Variants in OPRM1 observed in about 807,000 individuals in gnomAD.
OPRM1 encodes the protein opioid receptor mu 1.
In OPRM1, 27 loss-of-function variants were observed where a neutral mutation model predicts 31.8. The ratio of observed to expected loss-of-function variants is 0.85; its 90% CI spans 0.63 to 1.17. The LOEUF (loss-of-function observed/expected upper bound fraction) is 1.17. Ranked by LOEUF, OPRM1 falls within the 50% of genes most tolerant of loss-of-function variation. The pLI, the probability that OPRM1 is intolerant of heterozygous loss-of-function variation, is 0.00. For synonymous variants in OPRM1, 196 were observed against 189.9 expected, an observed-to-expected ratio of 1.03 and a Z score of -0.26; for missense variants, 536 against 511.1, an observed-to-expected ratio of 1.05 and a Z score of -0.47.
chr6:154,226,429 A>T (rs1264016884), intron 3 of OPRM1, among the ~76,000 whole-genome samples: 1 of 152,038 alleles, frequency 6.6e-6, no homozygotes, highest in Non-Finnish European at 1.5e-5. Flanking sequence ...TTCAGTGAAT[A>T]ATATCACTTT....
chr6:154,209,961 T>C (rs1208653494), intron 3 of OPRM1, among the ~76,000 whole-genome samples: 5 of 152,238 alleles, frequency 3.3e-5, no homozygotes, highest in Non-Finnish European at 4.4e-5. Context: ...ATTCAAAAAA[T>C]TTAAAGATAC....
In OPRM1 at chr6:154,010,689, G is replaced by A. The variant is rs991375870; in HGVS notation, c.-330G>A. On this transcript the variant is annotated 5_prime_UTR_variant, in exon 1 of 6. Coordinates refer to the OPRM1 transcript ENST00000434900. ...GGAAAGCAAGCATGAAAAAGCAGCC[G>A]GGTCAGACAGGCTTCTGGATTCAGT... The A allele has an allele frequency of 6.2e-5, 90 of 1,444,950 alleles. 1 individual carries two copies. In the Middle Eastern group the frequency reaches 1.6e-3, roughly 26 times the overall value. 89.5% of individuals were successfully genotyped at this position (1,444,950 alleles called of 1,614,324 possible). A position where few individuals can be genotyped will look rare whatever the true frequency, so the allele number is the denominator to read the frequency against.
At chr6:154,067,058 T>C (rs144500192) in intron 1 of OPRM1, among the ~76,000 whole-genome samples, 372 of 152,256 alleles carry the variant, frequency 2.4e-3, no homozygotes, top group Non-Finnish European at 4.1e-3. Context: ...GATTATTGTC[T>C]ATTTTGTTAT....
At chr6:154,201,944 CAGAG>C (rs1777105076) in intron 3 of OPRM1, among the ~76,000 whole-genome samples, 1 of 152,078 alleles carries the variant, frequency 6.6e-6, no homozygotes, top group African/African-American at 2.4e-5. Flanking sequence ...GGAAGGTTGA[CAGAG>C]AGAGGAAGCC....
intron 3 of OPRM1, among the ~76,000 whole-genome samples, chr6:154,141,152 C>T (rs986435715): frequency 5.9e-5 from 9 of 152,180 alleles, no homozygotes; most frequent in African/African-American, 2.2e-4. Context: ...TTTTCTCATT[C>T]ATCAGAAAGA....
chr6:154,178,271 T>C (rs541735466), intron 3 of OPRM1, among the ~76,000 whole-genome samples: 6 of 152,150 alleles, frequency 3.9e-5, no homozygotes, highest in Non-Finnish European at 5.9e-5. Flanking sequence ...ACAAGTATCC[T>C]AGAACTTAAA....
At chr6:154,038,385 C>A (rs567490663), upstream of OPRM1, among the ~76,000 whole-genome samples, 1 of 152,074 alleles carries the variant, frequency 6.6e-6, no homozygotes, top group African/African-American at 2.4e-5. Context: ...AAAATAGAAG[C>A]ACTCATGGAC....
chr6:154,199,841 T>C lies in OPRM1; in HGVS notation c.1165-46852T>C, dbSNP rs763583426. The C allele has an allele frequency of 8.7e-6, 14 of 1,614,076 alleles. No homozygotes were observed. The South Asian group carries it at 1.3e-4, about 15-fold the overall frequency. Reference sequence around the variant, plus strand: ...GCCTGCCTCTGAGGGTACAGGTGAATGAACTTGCACAGCAAACGTTATTGG... The same window carrying C: ...GCCTGCCTCTGAGGGTACAGGTGAACGAACTTGCACAGCAAACGTTATTGG... On this transcript the variant is annotated intron_variant, in intron 3 of 3. Transcript: ENST00000337049.
intron 1 of OPRM1, among the ~76,000 whole-genome samples, chr6:154,028,139 A>G (rs188852437): frequency 6.6e-6 from 1 of 152,290 alleles, no homozygotes; most frequent in Admixed American, 6.5e-5. Flanking sequence ...CCCTCGACAT[A>G]GTACCTGAGT....
At chr6:154,087,072 A>G (rs2128478088) in intron 1 of OPRM1, 1 of 984,684 alleles carries the variant, frequency 1.0e-6, no homozygotes, top group Non-Finnish European at 1.2e-6. Context: ...CTCAAGTTAA[A>G]TGGCTCTATC....
chr6:154,198,129 T>C (rs1444683542), intron 3 of OPRM1, among the ~76,000 whole-genome samples: 1 of 152,202 alleles, frequency 6.6e-6, no homozygotes, highest in Non-Finnish European at 1.5e-5. Flanking sequence ...AAGGAATGCA[T>C]TCCTTTCCAA....
chr6:154,129,200 C>G lies in OPRM1; in HGVS notation c.*10479C>G, dbSNP rs1339046077. On this transcript the variant is annotated 3_prime_UTR_variant, in exon 4 of 4. Transcript: ENST00000330432. ...AAGGGTCGTGATTGATTTGAGCAAG[C>G]AAGGGGTATGTGACAGGGGCTGCAT... Among the ~76,000 whole-genome samples, 5 of 152,152 alleles carry G rather than the reference C, an allele frequency of 3.3e-5. No homozygotes were observed. Among genetic ancestry groups the G allele is most frequent in the Admixed American group, 6.5e-5 (1 of 15,284 alleles).
intron 1 of OPRM1, among the ~76,000 whole-genome samples, chr6:154,022,077 A>G (rs1778409673): frequency 6.6e-6 from 1 of 152,192 alleles, no homozygotes; most frequent in African/African-American, 2.4e-5. Context: ...GAAAGCTTCA[A>G]TTTCTTACCA....
At chr6:154,069,074 G>C (rs1453359483) in intron 1 of OPRM1, among the ~76,000 whole-genome samples, 2 of 152,128 alleles carry the variant, frequency 1.3e-5, no homozygotes, top group South Asian at 2.1e-4. Flanking sequence ...CTATTGGTTT[G>C]TAAGAGCTTC....
At chr6:154,093,134 TG>T in intron 3 of OPRM1, 1 of 696,890 alleles carries the variant, frequency 1.4e-6, no homozygotes, top group Non-Finnish European at 2.4e-6. Context: ...TTCACCAACC[TG>T]GGGATAACAT....
intron 3 of OPRM1, among the ~76,000 whole-genome samples, chr6:154,211,270 G>A (rs570327171): frequency 6.6e-6 from 1 of 152,190 alleles, no homozygotes; most frequent in African/African-American, 2.4e-5. Flanking sequence ...CAAAAAATTA[G>A]CCGGGCGAGG....
intron 3 of OPRM1, among the ~76,000 whole-genome samples, chr6:154,096,345 C>T (rs918139981): frequency 1.3e-5 from 2 of 152,150 alleles, no homozygotes; most frequent in East Asian, 1.9e-4. Flanking sequence ...CAGACGTGAG[C>T]CCCTGTGTCT....
intron 1 of OPRM1, among the ~76,000 whole-genome samples, chr6:154,024,190 G>T (rs1462041331): frequency 6.6e-6 from 1 of 151,980 alleles, no homozygotes; most frequent in Non-Finnish European, 1.5e-5. Flanking sequence ...TTTACCGGGA[G>T]AACTTTATTC....
intron 3 of OPRM1, among the ~76,000 whole-genome samples, chr6:154,095,845 G>T: frequency 6.6e-6 from 1 of 151,986 alleles, no homozygotes; most frequent in East Asian, 1.9e-4. Flanking sequence ...TCTGTTCTCA[G>T]TGCAATTTAA....
Sources: allele counts gnomAD v4.1 joint callset (sites outside exome capture counted in the v4.1 genomes callset), GRCh38; gene constraint gnomAD v4.1.1; transcripts MANE v1.5; gene names NCBI Gene and HGNC (gene_info 2026-07-23, HGNC 2026-07-21).